Variants in SLC15A4 observed in about 807,000 individuals in gnomAD.
SLC15A4 encodes the protein hPHT1.
SLC15A4 carries 26 observed loss-of-function variants against 46.1 expected under a neutral mutation model. The observed-to-expected ratio is 0.56, with a 90% CI of 0.41 to 0.78. SLC15A4 has a LOEUF of 0.78. Among genes scored for constraint, SLC15A4 ranks in the 30% least tolerant of loss-of-function variants. The pLI, the probability that SLC15A4 is intolerant of heterozygous loss-of-function variation, is 0.00. For missense variants in SLC15A4, 751 were observed against 755.7 expected, an observed-to-expected ratio of 0.99 and a Z score of 0.07; for synonymous variants, 370 against 333.4, an observed-to-expected ratio of 1.11 and a Z score of -1.20.
chr12:128,823,375 C>T, intron 1 of SLC15A4, 23 bp downstream of exon 1: 1 of 1,388,988 alleles, frequency 7.2e-7, no homozygotes, highest in Non-Finnish European at 9.3e-7. Flanking sequence ...GGGACAGGGA[C>T]AGCGCGCGGG....
At chr12:128,809,689 G>A (rs995237416) in intron 3 of SLC15A4, 14 of 544,638 alleles carry the variant, frequency 2.6e-5, no homozygotes, top group Non-Finnish European at 4.5e-5. Context: ...TTATCCAAAG[G>A]AGAAATTACA....
chr12:128,823,055 C>T (rs2135727916), intron 1 of SLC15A4, among the ~76,000 whole-genome samples: 1 of 152,120 alleles, frequency 6.6e-6, no homozygotes, highest in South Asian at 2.1e-4. Context: ...CCAACCTGGT[C>T]TCAAAGTCCT....
intron 7 of SLC15A4, among the ~76,000 whole-genome samples, chr12:128,796,804 G>T (rs1474476964): frequency 6.6e-6 from 1 of 152,136 alleles, no homozygotes; most frequent in Non-Finnish European, 1.5e-5. Context: ...TTTGAAATAC[G>T]AGTCTCCCCA....
intron 5 of SLC15A4, among the ~76,000 whole-genome samples, chr12:128,801,917 C>T (rs1566046944): frequency 6.6e-6 from 1 of 152,170 alleles, no homozygotes; most frequent in African/African-American, 2.4e-5. Flanking sequence ...AAAACCTGAG[C>T]ATGAGAAAGG....
In SLC15A4 at chr12:128,812,846, A is replaced by G. The variant is rs189966659; in HGVS notation, c.842+1929T>C. 8.3e-4 allele frequency among the ~76,000 whole-genome samples: 126 copies of G among 152,234 alleles called. 2 individuals are homozygous for G. The highest frequency in any genetic ancestry group is 6.9e-3 in the Admixed American group (106 of 15,282). On this transcript the variant is annotated intron_variant, in intron 2 of 7. Transcript: ENST00000266771. ...CAGTTCATACAAACAGCAGAATCTG[A>G]GAATTCCTCAGACCATCAACTTTTC...
intron 7 of SLC15A4, among the ~76,000 whole-genome samples, chr12:128,797,001 C>T (rs1188858818): frequency 3.9e-5 from 6 of 152,270 alleles, no homozygotes; most frequent in Non-Finnish European, 5.9e-5. Flanking sequence ...TATTCGGAAA[C>T]GCCTAAGTCG....
Position 128,823,488 on chromosome 12 carries a change from G to A in SLC15A4, c.456C>T (p.Cys152=). The A allele has an allele frequency of 6.7e-7, 1 of 1,484,962 alleles. No homozygotes were observed. The highest frequency in any genetic ancestry group is 8.9e-7 in the Non-Finnish European group (1 of 1,124,726). 92.0% of individuals were successfully genotyped at this position (1,484,962 alleles called of 1,614,324 possible). The change falls in exon 1 of 8, where the codon TGC becomes TGT. Residue 152 remains cysteine, a synonymous_variant. Coordinates refer to ENST00000266771, the MANE Select transcript of SLC15A4 (RefSeq NM_145648.4). ...GCCCCGCGAAGGTGGCCGGTGAGCA[G>A]CAGCGGGCGGCGGCGTCGGGACCAG... The part of the protein sequence containing the change: ...TAPGPDAAAR[C]CSPATFAGLV...
chr12:128,801,941 C>T (rs10734964), intron 5 of SLC15A4, among the ~76,000 whole-genome samples: 97,141 of 152,002 alleles, frequency 0.64, 32,133 homozygotes, highest in East Asian at 0.76. Context: ...AGGATATGAT[C>T]CATAGGGCGA....
intron 3 of SLC15A4, 119 bp from the exon 4 acceptor site, chr12:128,809,592 A>T: frequency 3.0e-6 from 2 of 657,652 alleles, no homozygotes; most frequent in Non-Finnish European, 5.3e-6. Flanking sequence ...CCAGAAATAG[A>T]CAATGGCTCA....
chr12:128,799,026 G>C (rs1412670015), intron 7 of SLC15A4, among the ~76,000 whole-genome samples: 1 of 152,178 alleles, frequency 6.6e-6, no homozygotes, highest in East Asian at 1.9e-4. Flanking sequence ...GCCAGGGCAG[G>C]CTTGGCCCCT....
At chr12:128,815,548 T>C (rs1593015124) in intron 1 of SLC15A4, 1 of 163,276 alleles carries the variant, frequency 6.1e-6, no homozygotes, top group East Asian at 1.7e-4. Flanking sequence ...TAGCCAGGCA[T>C]GGTGGTGGGC....
intron 7 of SLC15A4, among the ~76,000 whole-genome samples, 176 bp from the exon 8 acceptor site, chr12:128,794,532 A>C: frequency 6.6e-6 from 1 of 152,212 alleles, no homozygotes; most frequent in East Asian, 1.9e-4. Flanking sequence ...CCACTGAAGA[A>C]GCTCCCTGAA....
intron 7 of SLC15A4, 83 bp downstream of exon 7, chr12:128,799,176 C>G: frequency 1.3e-6 from 2 of 1,525,052 alleles, no homozygotes; most frequent in Non-Finnish European, 1.8e-6. Flanking sequence ...GTGAAAACAC[C>G]TCCGCTCACT....
chr12:128,816,352 C>A (rs181916062), intron 1 of SLC15A4, among the ~76,000 whole-genome samples: 1 of 152,192 alleles, frequency 6.6e-6, no homozygotes, highest in Non-Finnish European at 1.5e-5. Flanking sequence ...TTTTAACAAA[C>A]TTATGAGAGG....
chr12:128,802,131 C>G (rs1466562063), intron 5 of SLC15A4, among the ~76,000 whole-genome samples: 2 of 152,170 alleles, frequency 1.3e-5, no homozygotes, highest in Admixed American at 6.5e-5. Context: ...CCTTCCACTC[C>G]GCCCTCCACG....
intron 6 of SLC15A4, 89 bp from the exon 7 acceptor site, chr12:128,799,506 G>A (rs967550087): frequency 5.0e-5 from 71 of 1,430,508 alleles, no homozygotes; most frequent in Non-Finnish European, 5.9e-5. Context: ...CAGAGGAAGC[G>A]TGGGGTCTCC....
intron 1 of SLC15A4, 61 bp downstream of exon 1, chr12:128,823,337 G>A (rs958761920): frequency 7.6e-7 from 1 of 1,321,980 alleles, no homozygotes; most frequent in Non-Finnish European, 9.7e-7. Flanking sequence ...GGCAGGGGAA[G>A]AGGCTGGGGC....
rs756901106 is a variant in SLC15A4 at position 128,815,038 on chromosome 12, T to C, written c.579A>G (p.Arg193=). 4 of 1,611,506 alleles carry C rather than the reference T, an allele frequency of 2.5e-6. No individual in the cohort carries two copies. The highest frequency in any genetic ancestry group is 2.7e-5 in the African/African-American group (2 of 74,836). Residue 193 remains arginine (R), a synonymous_variant, in exon 2 of 8, where the codon AGA becomes AGG. Transcript: ENST00000266771. ...VKDRGPEATR[R]FFNWFYWSIN... is the part of the protein sequence containing the mutation. ...TGCTCCAATAAAACCAATTAAAAAA[T>C]CTCCTAGTGGCTTCCGGACCTCGAT...
chr12:128,823,439 C>A lies in SLC15A4; in HGVS notation c.505G>T (p.Ala169Ser). The A allele has an allele frequency of 6.8e-7, 1 of 1,462,326 alleles. No individual in the cohort carries two copies. Among genetic ancestry groups the A allele is most frequent in the Admixed American group, 2.5e-5 (1 of 39,956 alleles). The allele number at this position is 1,462,326 out of a possible 1,614,324, so 90.6% of individuals were successfully genotyped here. A position where few individuals can be genotyped will look rare whatever the true frequency, so the allele number is the denominator to read the frequency against. ...GGCGTGATGTTGGCCTTGACGGTGGCCACGCCCAGGCCCACCAGCACCAGC... is the reference window on the plus strand; with the variant it reads ...GGCGTGATGTTGGCCTTGACGGTGGACACGCCCAGGCCCACCAGCACCAGC... ...AGLVLVGLGV[A>S]TVKANITPFG... Residue 169 changes from alanine to serine, a missense_variant, in exon 1 of 8, where the codon GCC becomes TCC. Ala to Ser is a moderately conservative substitution (Grantham distance 99). Transcript: ENST00000266771.
Sources: allele counts gnomAD v4.1 joint callset (sites outside exome capture counted in the v4.1 genomes callset), GRCh38; gene constraint gnomAD v4.1.1; transcripts MANE v1.5; gene names NCBI Gene and HGNC (gene_info 2026-07-23, HGNC 2026-07-21).